DZANK1: variants seen among roughly 807,000 people sequenced by gnomAD.
DZANK1 encodes double zinc ribbon and ankyrin repeat domains 1, also known as double zinc ribbon and ankyrin repeat-containing protein 1.
DZANK1 carries 91 observed loss-of-function variants against 94.5 expected under a neutral mutation model. That is an observed-to-expected ratio of 0.96 (90% CI 0.81 to 1.15). DZANK1 has a LOEUF of 1.15. Ranked by LOEUF, DZANK1 falls within the 50% of genes most tolerant of loss-of-function variation. DZANK1 has a pLI of 0.00. For missense variants in DZANK1, 903 were observed against 916.4 expected, an observed-to-expected ratio of 0.99 and a Z score of 0.19; for synonymous variants, 312 against 325.3, an observed-to-expected ratio of 0.96 and a Z score of 0.44.
intron 19 of DZANK1, among the ~76,000 whole-genome samples, chr20:18,389,115 C>T (rs2048691350): frequency 6.6e-6 from 1 of 152,176 alleles, no homozygotes; most frequent in South Asian, 2.1e-4. Context: ...AACAGAAGCA[C>T]ACAGCTAGAA....
At chr20:18,385,187 G>A (rs973078230) in intron 19 of DZANK1, 97 bp from the exon 20 acceptor site, 3 of 1,189,286 alleles carry the variant, frequency 2.5e-6, no homozygotes, top group South Asian at 2.7e-5. Flanking sequence ...TTTGCTCACC[G>A]ACCTACTTAA....
chr20:18,431,702 G>A (rs1285814984), intron 9 of DZANK1, among the ~76,000 whole-genome samples: 1 of 152,114 alleles, frequency 6.6e-6, no homozygotes, highest in Admixed American at 6.5e-5. Flanking sequence ...ATCAAGTCTG[G>A]TTAAAACCTG....
intron 15 of DZANK1, chr20:18,394,947 C>T (rs2056252849): frequency 6.6e-6 from 3 of 451,532 alleles, no homozygotes; most frequent in South Asian, 4.7e-5. Flanking sequence ...TGAGGCCAGA[C>T]ACAGAAGTCT....
intron 8 of DZANK1, among the ~76,000 whole-genome samples, chr20:18,434,198 A>G (rs1232857629): frequency 6.6e-6 from 1 of 152,030 alleles, no homozygotes; most frequent in Non-Finnish European, 1.5e-5. Flanking sequence ...AAAAATATCC[A>G]TAGGAAATTG....
chr20:18,463,451 C>T (rs2148826726), intron 2 of DZANK1, among the ~76,000 whole-genome samples: 1 of 152,176 alleles, frequency 6.6e-6, no homozygotes, highest in East Asian at 1.9e-4. Flanking sequence ...ACAATATACC[C>T]AGGTAGGAAA....
At chr20:18,437,599 A>G (rs1229259984) in intron 8 of DZANK1, among the ~76,000 whole-genome samples, 2 of 151,986 alleles carry the variant, frequency 1.3e-5, no homozygotes, top group Non-Finnish European at 2.9e-5. Flanking sequence ...AAGAAAAAAA[A>G]GAAAAGAAAA....
intron 13 of DZANK1, among the ~76,000 whole-genome samples, chr20:18,411,094 G>A (rs1600835788): frequency 6.6e-6 from 1 of 152,108 alleles, no homozygotes. Context: ...GACCTTAAAC[G>A]AGGAAAAGAA....
At chr20:18,433,370 C>G (rs1012486965) in intron 9 of DZANK1, 15 of 341,398 alleles carry the variant, frequency 4.4e-5, no homozygotes, top group African/African-American at 3.2e-4. Context: ...GATGAAACCC[C>G]ATGTCTACTA....
At chr20:18,429,953 A>G (rs1283210830) in intron 9 of DZANK1, among the ~76,000 whole-genome samples, 1 of 152,256 alleles carries the variant, frequency 6.6e-6, no homozygotes, top group African/African-American at 2.4e-5. Context: ...GCAAACACCT[A>G]TGATGAGAAC....
intron 13 of DZANK1, among the ~76,000 whole-genome samples, chr20:18,402,444 A>G (rs2056737418): frequency 6.6e-6 from 1 of 152,142 alleles, no homozygotes; most frequent in Non-Finnish European, 1.5e-5. Context: ...CTCAATGGAT[A>G]AGGGAATGCC....
chr20:18,429,013 C>T (rs2058175403), intron 9 of DZANK1, among the ~76,000 whole-genome samples: 1 of 152,188 alleles, frequency 6.6e-6, no homozygotes, highest in Non-Finnish European at 1.5e-5. Flanking sequence ...CCTGACACTC[C>T]CTGGGGGCCA....
chr20:18,398,634 A>C lies in DZANK1; in HGVS notation c.1433-8T>G. The stretch of plus-strand genomic sequence containing the variant: ...GCTGTCTTCTCCAGTACCCTAAGAA[A>C]GAAGAGAAACCCCGCCATCTGGATG... On this transcript the variant is annotated splice_polypyrimidine_tract_variant and splice_region_variant and intron_variant, in intron 13 of 20. Transcript: ENST00000262547. 1 of 1,613,104 alleles carries C rather than the reference A, an allele frequency of 6.2e-7. No individual in the cohort carries two copies. The highest frequency in any genetic ancestry group is 8.5e-7 in the Non-Finnish European group (1 of 1,179,042).
chr20:18,411,420 C>G (rs1287338377), intron 13 of DZANK1, among the ~76,000 whole-genome samples: 6 of 152,034 alleles, frequency 3.9e-5, no homozygotes, highest in Non-Finnish European at 7.4e-5. Flanking sequence ...AAAACACAAA[C>G]TACCAAAACT....
At chr20:18,414,321 C>T (rs765937900) in intron 12 of DZANK1, 27 bp downstream of exon 12, 2 of 1,611,942 alleles carry the variant, frequency 1.2e-6, no homozygotes, top group Non-Finnish European at 1.7e-6. Flanking sequence ...TCCTGGGTAC[C>T]AGTTCTTACT....
chr20:18,398,668 G>A (rs1488550552), intron 13 of DZANK1, 42 bp from the exon 14 acceptor site: 6 of 1,568,198 alleles, frequency 3.8e-6, no homozygotes, highest in Non-Finnish European at 5.3e-6. Flanking sequence ...TGATTCTCCT[G>A]AGACTAAGAA....
intron 6 of DZANK1, 104 bp downstream of exon 6, chr20:18,452,511 G>A (rs978153056): frequency 3.8e-6 from 5 of 1,326,360 alleles, no homozygotes; most frequent in African/African-American, 1.5e-5. Flanking sequence ...ACAGTGCCTG[G>A]CACATGGTCA....
chr20:18,451,009 A>T (rs2059080862), intron 6 of DZANK1, among the ~76,000 whole-genome samples: 1 of 152,098 alleles, frequency 6.6e-6, no homozygotes, highest in Non-Finnish European at 1.5e-5. Context: ...GCAATGACAC[A>T]ATCTTGGCTC....
chr20:18,459,430 T>C (rs2059399708), intron 3 of DZANK1, among the ~76,000 whole-genome samples: 1 of 152,170 alleles, frequency 6.6e-6, no homozygotes, highest in African/African-American at 2.4e-5. Flanking sequence ...TAGAGTCCTT[T>C]AAAGTACCTG....
intron 10 of DZANK1, 117 bp from the exon 11 acceptor site, chr20:18,415,566 TTTG>T (rs1261167457): frequency 1.8e-6 from 2 of 1,106,614 alleles, no homozygotes; most frequent in African/African-American, 1.7e-5. Context: ...TAGTGTTTTT[TTTG>T]TTTTGTTTTG....
Sources: gnomAD v4.1 joint callset for allele counts (sites outside exome capture counted in the v4.1 genomes callset) on GRCh38, gnomAD v4.1.1 for gene constraint, MANE v1.5 for transcripts, NCBI Gene and HGNC (gene_info 2026-07-23, HGNC 2026-07-21) for gene names.